TTLL5: variants seen among roughly 807,000 people sequenced by gnomAD.
TTLL5 encodes tubulin polyglutamylase TTLL5.
A neutral mutation model predicts 168.4 loss-of-function variants in TTLL5; 132 were observed. The ratio of observed to expected loss-of-function variants is 0.78; its 90% CI spans 0.68 to 0.91. The LOEUF is 0.91. Among genes scored for constraint, TTLL5 ranks in the 40% least tolerant of loss-of-function variants. The pLI is 0.00. For missense variants in TTLL5, 1,545 were observed against 1,581.5 expected, an observed-to-expected ratio of 0.98 and a Z score of 0.39; for synonymous variants, 546 against 558.6, an observed-to-expected ratio of 0.98 and a Z score of 0.32.
intron 31 of TTLL5, among the ~76,000 whole-genome samples, chr14:75,927,381 T>G (rs556655342): frequency 4.6e-5 from 7 of 152,332 alleles, no homozygotes; most frequent in African/African-American, 1.7e-4. Flanking sequence ...GTTTTGTGTA[T>G]ACAATAAAAA....
chr14:75,928,165 C>T (rs545221884), intron 31 of TTLL5, among the ~76,000 whole-genome samples: 7 of 151,866 alleles, frequency 4.6e-5, no homozygotes, highest in African/African-American at 1.7e-4. Flanking sequence ...TGCCACTGAC[C>T]TCCTCTGAGA....
chr14:75,729,901 G>A (rs1203915525), intron 12 of TTLL5, among the ~76,000 whole-genome samples: 1 of 152,166 alleles, frequency 6.6e-6, no homozygotes, highest in African/African-American at 2.4e-5. Context: ...ATTTGCCTCT[G>A]GTTTGGGGAA....
intron 31 of TTLL5, among the ~76,000 whole-genome samples, chr14:75,921,763 G>A (rs1480168120): frequency 6.6e-6 from 1 of 152,194 alleles, no homozygotes; most frequent in African/African-American, 2.4e-5. Flanking sequence ...ATTCTGTGAA[G>A]AAAGTCATTG....
At chr14:75,724,042 G>A (rs1888023666) in intron 12 of TTLL5, among the ~76,000 whole-genome samples, 1 of 149,588 alleles carries the variant, frequency 6.7e-6, no homozygotes. Context: ...ATTTATTTTA[G>A]AGTAAACAGG....
At chr14:75,912,212 A>G (rs908312768) in intron 31 of TTLL5, among the ~76,000 whole-genome samples, 1 of 152,122 alleles carries the variant, frequency 6.6e-6, no homozygotes, top group Non-Finnish European at 1.5e-5. Flanking sequence ...TTCAGAAGAC[A>G]GAATGGAATA....
intron 31 of TTLL5, among the ~76,000 whole-genome samples, chr14:75,905,168 C>T (rs1399692337): frequency 6.6e-6 from 1 of 152,192 alleles, no homozygotes; most frequent in East Asian, 1.9e-4. Flanking sequence ...CTCCCTGAGA[C>T]CTGGGAAGCG....
chr14:75,794,209 A>G (rs191854860), intron 27 of TTLL5, among the ~76,000 whole-genome samples: 135 of 152,298 alleles, frequency 8.9e-4, no homozygotes, highest in Admixed American at 3.3e-3. Flanking sequence ...TATTATAAGA[A>G]CAATGTTGAT....
chr14:75,738,072 C>G (rs999452125), intron 15 of TTLL5, among the ~76,000 whole-genome samples: 1 of 152,104 alleles, frequency 6.6e-6, no homozygotes, highest in African/African-American at 2.4e-5. Flanking sequence ...ATGTAGTGAT[C>G]TGCAGTTTAT....
At chr14:75,759,048 G>A (rs954276301) in intron 18 of TTLL5, among the ~76,000 whole-genome samples, 5 of 152,048 alleles carry the variant, frequency 3.3e-5, no homozygotes, top group Non-Finnish European at 7.4e-5. Flanking sequence ...AGTAAAGAAT[G>A]TTAACAAAAT....
intron 3 of TTLL5, among the ~76,000 whole-genome samples, chr14:75,674,213 T>C (rs1161581532): frequency 6.6e-6 from 1 of 152,244 alleles, no homozygotes; most frequent in Admixed American, 6.5e-5. Context: ...TTGAGTTTTC[T>C]GTATCTTTCC....
At chr14:75,668,630 C>T (rs1455275175) in intron 2 of TTLL5, among the ~76,000 whole-genome samples, 1 of 152,074 alleles carries the variant, frequency 6.6e-6, no homozygotes, top group Admixed American at 6.5e-5. Flanking sequence ...TGGTTTTATA[C>T]TGGAGGAAAA....
intron 30 of TTLL5, among the ~76,000 whole-genome samples, chr14:75,899,883 CTAT>C (rs1485178156): frequency 6.6e-6 from 1 of 151,244 alleles, no homozygotes; most frequent in Non-Finnish European, 1.5e-5. Context: ...AAGCAGTTTT[CTAT>C]TATTCACTAC....
intron 20 of TTLL5, among the ~76,000 whole-genome samples, chr14:75,768,923 G>A (rs1200497480): frequency 2.0e-5 from 3 of 152,138 alleles, no homozygotes; most frequent in African/African-American, 7.2e-5. Context: ...CTACCAACTG[G>A]CCGTGTGGTC....
At chr14:75,667,718 C>CATGT (rs1178579762) in intron 2 of TTLL5, among the ~76,000 whole-genome samples, 1 of 149,016 alleles carries the variant, frequency 6.7e-6, no homozygotes, top group Non-Finnish European at 1.5e-5. Context: ...GGGAGCCTTA[C>CATGT]AGACTGTGCA....
At chr14:75,710,399 TACACACACACACACACACACAC>T (rs34988364) in intron 9 of TTLL5, 2 of 145,904 alleles carry the variant, frequency 1.4e-5, no homozygotes, top group African/African-American at 2.6e-5. Context: ...AAAAAATTTA[TACACACACACACACACACACAC>T]ACACACACAC....
intron 28 of TTLL5, among the ~76,000 whole-genome samples, chr14:75,855,137 A>C (rs1249382549): frequency 7.2e-6 from 1 of 138,230 alleles, no homozygotes; most frequent in East Asian, 2.1e-4. Context: ...CTGCCACCAG[A>C]GGTATGCTAG....
At chr14:75,727,051 A>C (rs1158930985) in intron 12 of TTLL5, among the ~76,000 whole-genome samples, 1 of 152,182 alleles carries the variant, frequency 6.6e-6, no homozygotes, top group Admixed American at 6.5e-5. Flanking sequence ...TGTTTTTCTA[A>C]GAAAAGTATA....
chr14:75,710,642 T>C (rs1232643903), intron 9 of TTLL5: 2 of 152,232 alleles, frequency 1.3e-5, no homozygotes, highest in Non-Finnish European at 2.9e-5. Context: ...CGAGGGCACA[T>C]TGTTCCGTGC....
chr14:75,685,046 A>C (rs774637473), intron 5 of TTLL5: 7 of 152,196 alleles, frequency 4.6e-5, no homozygotes, highest in Non-Finnish European at 1.0e-4. Flanking sequence ...AAAATGAGGT[A>C]TTGAATCTTG....
Sources: allele counts gnomAD v4.1 joint callset (sites outside exome capture counted in the v4.1 genomes callset), GRCh38; gene constraint gnomAD v4.1.1; transcripts MANE v1.5; gene names NCBI Gene and HGNC (gene_info 2026-07-23, HGNC 2026-07-21).